Variants in EPB41L2 observed in about 807,000 individuals in gnomAD.
The protein encoded by EPB41L2 is band 4.1-like protein 2.
A neutral mutation model predicts 113.0 loss-of-function variants in EPB41L2; 43 were observed. That is an observed-to-expected ratio of 0.38 (90% CI 0.30 to 0.49). The LOEUF (loss-of-function observed/expected upper bound fraction) is 0.49, where lower values mean the gene tolerates loss of function less well. EPB41L2 is among the 20% of genes least tolerant of loss of function. EPB41L2 has a pLI of 0.95. For synonymous variants in EPB41L2, 442 were observed against 436.7 expected (o/e 1.01, Z -0.15); for missense variants, 1,147 against 1,223.4 (o/e 0.94, Z 0.93).
intron 17 of EPB41L2, among the ~76,000 whole-genome samples, chr6:130,864,016 T>C (rs1782946218): frequency 1.3e-5 from 2 of 152,206 alleles, no homozygotes; most frequent in African/African-American, 4.8e-5. Context: ...TTGATTAAGA[T>C]AGGACAGATA....
chr6:130,896,011 C>G (rs570227003), intron 8 of EPB41L2, among the ~76,000 whole-genome samples: 1 of 152,114 alleles, frequency 6.6e-6, no homozygotes, highest in Non-Finnish European at 1.5e-5. Context: ...TGAAGACTAC[C>G]GCTCAAAGAC....
chr6:131,054,932 C>T (rs1797321553), intron 1 of EPB41L2, among the ~76,000 whole-genome samples: 1 of 152,174 alleles, frequency 6.6e-6, no homozygotes, highest in African/African-American at 2.4e-5. Context: ...TTCAGATGTA[C>T]CTAATCACAA....
At chr6:130,907,050 A>T (rs1276111776) in intron 5 of EPB41L2, among the ~76,000 whole-genome samples, 2 of 152,202 alleles carry the variant, frequency 1.3e-5, no homozygotes, top group Non-Finnish European at 2.9e-5. Flanking sequence ...AAAGTTAGGA[A>T]ATCTCCATGA....
chr6:131,009,827 T>C (rs1786491343), intron 1 of EPB41L2, among the ~76,000 whole-genome samples: 1 of 152,240 alleles, frequency 6.6e-6, no homozygotes, highest in South Asian at 2.1e-4. Context: ...TGTTTGGTAA[T>C]ATTCTCTCTT....
intron 4 of EPB41L2, among the ~76,000 whole-genome samples, chr6:130,924,384 C>CTT (rs57006889): frequency 3.8e-4 from 56 of 148,240 alleles, no homozygotes; most frequent in South Asian, 2.8e-3. Context: ...TCATGGAGTT[C>CTT]TTTTTTTTTT....
intron 1 of EPB41L2, among the ~76,000 whole-genome samples, chr6:131,013,846 C>T (rs371695567): frequency 1.3e-5 from 2 of 152,224 alleles, no homozygotes; most frequent in South Asian, 2.1e-4. Context: ...CAAAGACATA[C>T]GGGCAAAGTT....
chr6:130,899,824 A>G (rs920489755), intron 7 of EPB41L2, among the ~76,000 whole-genome samples: 3 of 152,192 alleles, frequency 2.0e-5, no homozygotes, highest in African/African-American at 7.2e-5. Flanking sequence ...TATCTTAAAA[A>G]GTTGCTTTTG....
chr6:130,982,714 A>T (rs146799187), intron 1 of EPB41L2, among the ~76,000 whole-genome samples: 1 of 152,218 alleles, frequency 6.6e-6, no homozygotes, highest in Non-Finnish European at 1.5e-5. Flanking sequence ...TATTTTACTA[A>T]TAATAAAAGA....
At chr6:130,914,756 A>C (rs1264782227) in intron 4 of EPB41L2, among the ~76,000 whole-genome samples, 1 of 152,180 alleles carries the variant, frequency 6.6e-6, no homozygotes, top group African/African-American at 2.4e-5. Flanking sequence ...ATCTTGTTTT[A>C]TTAAAAAAAA....
intron 3 of EPB41L2, among the ~76,000 whole-genome samples, chr6:130,954,202 G>A (rs888690378): frequency 7.9e-5 from 12 of 151,620 alleles, no homozygotes; most frequent in African/African-American, 1.2e-4. Context: ...ACTGGCGCCC[G>A]CCACTACGCC....
At chr6:131,057,853 C>G (rs552202469) in intron 1 of EPB41L2, among the ~76,000 whole-genome samples, 1 of 152,286 alleles carries the variant, frequency 6.6e-6, no homozygotes, top group East Asian at 1.9e-4. Flanking sequence ...CAATAAGGTC[C>G]GATAGATGAA....
chr6:131,007,075 T>TA (rs1406200259), intron 1 of EPB41L2, among the ~76,000 whole-genome samples: 8 of 152,238 alleles, frequency 5.3e-5, no homozygotes, highest in Non-Finnish European at 1.2e-4. Context: ...ATAGCCACAG[T>TA]AACTTTTCTC....
At chr6:130,974,712 C>CT (rs965804095) in intron 1 of EPB41L2, among the ~76,000 whole-genome samples, 7 of 70,108 alleles carry the variant, frequency 1.0e-4, no homozygotes, top group African/African-American at 2.9e-4. Flanking sequence ...TTTTTCTTTT[C>CT]TTTTCTTTTT....
intron 1 of EPB41L2, among the ~76,000 whole-genome samples, chr6:130,994,772 G>A (rs1782668700): frequency 6.6e-6 from 1 of 152,132 alleles, no homozygotes; most frequent in East Asian, 1.9e-4. Context: ...AGTCAAGCTG[G>A]GAATTGCTTA....
intron 1 of EPB41L2, among the ~76,000 whole-genome samples, chr6:131,056,316 A>C (rs1797589637): frequency 6.6e-6 from 1 of 152,252 alleles, no homozygotes; most frequent in East Asian, 1.9e-4. Context: ...ACAATTTTAC[A>C]TTTATAATCA....
intron 4 of EPB41L2, among the ~76,000 whole-genome samples, chr6:130,922,978 G>A (rs149056912): frequency 3.4e-4 from 51 of 152,148 alleles, no homozygotes; most frequent in East Asian, 7.7e-4. Context: ...TGCTCTTTCC[G>A]TAAGTTATTG....
At chr6:130,945,346 C>T (rs766074005) in intron 3 of EPB41L2, among the ~76,000 whole-genome samples, 2 of 152,092 alleles carry the variant, frequency 1.3e-5, no homozygotes, top group African/African-American at 2.4e-5. Context: ...ACAAGAAAGG[C>T]AAAAAGACCT....
intron 18 of EPB41L2, among the ~76,000 whole-genome samples, chr6:130,861,590 G>A (rs562662896): frequency 6.6e-6 from 1 of 152,224 alleles, no homozygotes; most frequent in South Asian, 2.1e-4. Flanking sequence ...CAAAAATGTT[G>A]GCCAGGTGTG....
At chr6:131,004,116 C>T (rs1444665784) in intron 1 of EPB41L2, among the ~76,000 whole-genome samples, 4 of 152,282 alleles carry the variant, frequency 2.6e-5, no homozygotes, top group Middle Eastern at 3.4e-3. Flanking sequence ...ACGACTTGTT[C>T]TGCCTGCCTA....
Sources: gnomAD v4.1 joint callset for allele counts (sites outside exome capture counted in the v4.1 genomes callset) on GRCh38, gnomAD v4.1.1 for gene constraint, MANE v1.5 for transcripts, NCBI Gene and HGNC (gene_info 2026-07-23, HGNC 2026-07-21) for gene names.